EEF2K: variants seen among roughly 807,000 people sequenced by gnomAD.
EEF2K encodes eukaryotic elongation factor 2 kinase.
A neutral mutation model predicts 93.8 loss-of-function variants in EEF2K; 70 were observed. That is an observed-to-expected ratio of 0.75 (90% CI 0.62 to 0.91). The LOEUF is 0.91. Among genes scored for constraint, EEF2K ranks in the 40% least tolerant of loss-of-function variants. The pLI is 0.00. For missense variants in EEF2K, 935 were observed against 972.9 expected (o/e 0.96, Z 0.52); for synonymous variants, 376 against 380.8 (o/e 0.99, Z 0.15).
chr16:22,264,289 CAAAAAAAAAAAAA>C (rs59993193), intron 12 of EEF2K, among the ~76,000 whole-genome samples: 12 of 39,904 alleles, frequency 3.0e-4, no homozygotes, highest in African/African-American at 8.7e-4. Context: ...GAGACTGTCT[CAAAAAAAAAAAAA>C]AAAAAAAAAA....
intron 2 of EEF2K, among the ~76,000 whole-genome samples, chr16:22,227,801 T>C (rs1479968709): frequency 6.6e-6 from 1 of 152,000 alleles, no homozygotes; most frequent in African/African-American, 2.4e-5. Flanking sequence ...TCATTTAACA[T>C]TTATAGCTAT....
chr16:22,266,663 G>T (rs1300634071), intron 14 of EEF2K, 25 bp from the exon 15 acceptor site: 1 of 1,592,036 alleles, frequency 6.3e-7, no homozygotes, highest in Non-Finnish European at 8.6e-7. Flanking sequence ...AGACAGCCAG[G>T]CCGACACCGT....
chr16:22,278,979 G>A (rs1003962602), intron 16 of EEF2K, among the ~76,000 whole-genome samples: 3 of 152,092 alleles, frequency 2.0e-5, no homozygotes, highest in Non-Finnish European at 2.9e-5. Flanking sequence ...CAGAGCATAC[G>A]GTGATTGCCA....
chr16:22,232,776 C>G (rs768845986), intron 2 of EEF2K, among the ~76,000 whole-genome samples: 1 of 152,222 alleles, frequency 6.6e-6, no homozygotes, highest in East Asian at 1.9e-4. Flanking sequence ...TCTAGGTTAT[C>G]GAAAGCAGGC....
intron 2 of EEF2K, among the ~76,000 whole-genome samples, chr16:22,243,378 A>G: frequency 6.6e-6 from 1 of 151,430 alleles, no homozygotes; most frequent in Non-Finnish European, 1.5e-5. Flanking sequence ...CAGCCTCCCA[A>G]GTAGCTGGGA....
chr16:22,209,050 A>T (rs899188167), intron 1 of EEF2K, among the ~76,000 whole-genome samples: 1 of 152,138 alleles, frequency 6.6e-6, no homozygotes, highest in African/African-American at 2.4e-5. Flanking sequence ...TGTTTTTGAG[A>T]TGGAGTCTTG....
chr16:22,241,250 G>GA (rs1040145609), intron 2 of EEF2K, among the ~76,000 whole-genome samples: 15 of 150,986 alleles, frequency 9.9e-5, no homozygotes, highest in African/African-American at 1.5e-4. Context: ...TTTGGAATCA[G>GA]AAAAAAAAAT....
intron 3 of EEF2K, among the ~76,000 whole-genome samples, chr16:22,246,515 TAAAAAAAAAAAAAA>T (rs746408835): frequency 4.3e-5 from 3 of 70,490 alleles, no homozygotes; most frequent in Non-Finnish European, 5.3e-5. Flanking sequence ...GACTCAGTCT[TAAAAAAAAAAAAAA>T]AAAAAAAAAA....
At chr16:22,239,771 A>G (rs567397596) in intron 2 of EEF2K, among the ~76,000 whole-genome samples, 1 of 152,302 alleles carries the variant, frequency 6.6e-6, no homozygotes, top group South Asian at 2.1e-4. Context: ...TGATCATGCC[A>G]CTGCATTCCA....
chr16:22,255,977 G>C (rs1306181168), intron 6 of EEF2K, among the ~76,000 whole-genome samples: 1 of 151,726 alleles, frequency 6.6e-6, no homozygotes, highest in African/African-American at 2.4e-5. Context: ...GCAGTGACAT[G>C]ATCTTGGCTC....
intron 12 of EEF2K, among the ~76,000 whole-genome samples, chr16:22,264,418 C>T (rs1250559558): frequency 1.3e-5 from 2 of 151,580 alleles, no homozygotes; most frequent in African/African-American, 4.9e-5. Context: ...CAGCAGTGAG[C>T]TTTGATCACA....
chr16:22,227,312 C>T (rs997118789), intron 2 of EEF2K, among the ~76,000 whole-genome samples: 2 of 151,448 alleles, frequency 1.3e-5, no homozygotes, highest in Non-Finnish European at 2.9e-5. Context: ...AAACGTCCGC[C>T]TCCTGGGTTC....
At chr16:22,274,579 A>T (rs922861759) in intron 16 of EEF2K, among the ~76,000 whole-genome samples, 1 of 151,978 alleles carries the variant, frequency 6.6e-6, no homozygotes, top group Non-Finnish European at 1.5e-5. Flanking sequence ...CCTAGATAGG[A>T]TTATGGGTGA....
intron 15 of EEF2K, among the ~76,000 whole-genome samples, chr16:22,268,627 C>T (rs565490148): frequency 1.3e-5 from 2 of 151,590 alleles, no homozygotes; most frequent in East Asian, 1.9e-4. Context: ...CCACCATGCC[C>T]GACCAAAGAA....
chr16:22,244,848 A>G, intron 3 of EEF2K, 118 bp downstream of exon 3: 4 of 1,015,978 alleles, frequency 3.9e-6, no homozygotes, highest in South Asian at 1.5e-5. Context: ...TCATAACAGC[A>G]GCTAATATTG....
At position 22,251,234 on chromosome 16, in the gene EEF2K, A is replaced by C. The variant is rs1221196727; in HGVS notation, c.530A>C (p.Asp177Ala). ...YVAKRYIEPV[D>A]RDVYFEDVRL... is the part of the protein sequence containing the mutation. ...GCGAAGCGCTACATCGAGCCCGTAG[A>C]CCGGGATGTGTACTTTGAGGACGTG... Residue 177 changes from aspartate (D) to alanine (A), a missense_variant, in exon 6 of 18, where the codon GAC (aspartate) becomes GCC (alanine). Coordinates refer to ENST00000263026, the MANE Select transcript of EEF2K (RefSeq NM_013302.5). 2 of 1,613,988 alleles carry C rather than the reference A, an allele frequency of 1.2e-6. No individual in the cohort carries two copies. The highest frequency in any genetic ancestry group is 2.7e-5 in the African/African-American group (2 of 74,922).
At chr16:22,264,784 G>T (rs72768938) in intron 12 of EEF2K, 34 bp from the exon 13 acceptor site, 1 of 1,611,840 alleles carries the variant, frequency 6.2e-7, no homozygotes, top group South Asian at 1.1e-5. Context: ...GAAGCTTGTC[G>T]CTTTGGATCA....
chr16:22,247,340 C>T (rs1442554867), intron 3 of EEF2K, among the ~76,000 whole-genome samples: 6 of 151,420 alleles, frequency 4.0e-5, no homozygotes, highest in South Asian at 4.2e-4. Flanking sequence ...CCCAGCTACT[C>T]GGAAGGCTGG....
rs553013823 is a variant in EEF2K, at chr16:22,226,517, C to CTTTTTTTTTTTTTTTT, written c.246+557_246+558insTTTTTTTTTTTTTTTT. Among the ~76,000 whole-genome samples, 156 of 106,838 alleles carry CTTTTTTTTTTTTTTTT rather than the reference C, an allele frequency of 1.5e-3. 2 individuals are homozygous for CTTTTTTTTTTTTTTTT. The highest frequency in any genetic ancestry group is 5.9e-3 in the Middle Eastern group (1 of 170). The allele number at this position is 106,838 out of a possible 152,430, so 70.1% of individuals were successfully genotyped here. On this transcript the variant is annotated intron_variant, in intron 2 of 17. Coordinates refer to ENST00000263026, the MANE Select transcript of EEF2K (RefSeq NM_013302.5). Reference sequence around the variant, plus strand: ...CTTTTTCTTTCTTTTCCTTCTTCTTCTTTTTTTTTTTTTTTATAAACGTGG... The same window carrying CTTTTTTTTTTTTTTTT: ...CTTTTTCTTTCTTTTCCTTCTTCTTCTTTTTTTTTTTTTTTTTTTTTTTTTTTTTTTATAAACGTGG...
Sources: gnomAD v4.1 joint callset for allele counts (sites outside exome capture counted in the v4.1 genomes callset) on GRCh38, gnomAD v4.1.1 for gene constraint, MANE v1.5 for transcripts, NCBI Gene and HGNC (gene_info 2026-07-23, HGNC 2026-07-21) for gene names.